The following MCC variants were observed in gnomAD, a reference collection of about 807,000 sequenced individuals.
MCC encodes the protein MCC regulator of Wnt signaling pathway.
A neutral mutation model predicts 116.2 loss-of-function variants in MCC; 90 were observed. That is an observed-to-expected ratio of 0.77 (90% CI 0.65 to 0.92). The LOEUF (loss-of-function observed/expected upper bound fraction) is 0.92, where lower values mean the gene tolerates loss of function less well. Among genes scored for constraint, MCC ranks in the 40% least tolerant of loss-of-function variants. MCC has a pLI of 0.00. For synonymous variants in MCC, 578 were observed against 510.5 expected, an observed-to-expected ratio of 1.13 and a Z score of -1.78; for missense variants, 1,516 against 1,312.2, an observed-to-expected ratio of 1.16 and a Z score of -2.40.
At chr5:113,219,017 T>A (rs959266160) in intron 3 of MCC, among the ~76,000 whole-genome samples, 3 of 152,228 alleles carry the variant, frequency 2.0e-5, no homozygotes, top group African/African-American at 7.2e-5. Context: ...AGAAATTTTT[T>A]AAATTCCTGA....
At chr5:113,355,535 T>C (rs1193123859) in intron 2 of MCC, among the ~76,000 whole-genome samples, 3 of 152,120 alleles carry the variant, frequency 2.0e-5, no homozygotes, top group Non-Finnish European at 4.4e-5. Flanking sequence ...AAAACTTATG[T>C]GGCTGATGCA....
chr5:113,286,575 G>C (rs914674454), intron 3 of MCC, among the ~76,000 whole-genome samples: 2 of 152,170 alleles, frequency 1.3e-5, no homozygotes, highest in South Asian at 2.1e-4. Flanking sequence ...CATGACAAGG[G>C]ATCTGCTCAA....
rs1303600081 is a variant in MCC, at chr5:113,488,317, C to T, written c.98G>A (p.Ser33Asn). The T allele has an allele frequency of 1.3e-6, 2 of 1,572,636 alleles. No homozygotes were observed. The highest frequency in any genetic ancestry group is 1.8e-5 in the Admixed American group (1 of 54,994). Residue 33 changes from serine (S) to asparagine (N), a missense_variant, in exon 1 of 19, where the codon AGC (serine) becomes AAC (asparagine). Coordinates refer to ENST00000408903, the MANE Select transcript of MCC (RefSeq NM_001085377.2). ...CCGCATCCTCTCCTCCTCGCCGGTG[C>T]TGGACGTGTCGCTGCTGCTGCTGCT... ...GSSSSSSDTS[S>N]TGEEERMRRL...
chr5:113,360,684 T>A (rs1407290710), intron 2 of MCC, among the ~76,000 whole-genome samples: 4 of 152,266 alleles, frequency 2.6e-5, no homozygotes, highest in Admixed American at 6.5e-5. Context: ...GAAATTCATC[T>A]ATTTTATCTA....
chr5:113,367,036 C>T (rs1192775138), intron 2 of MCC, among the ~76,000 whole-genome samples: 3 of 152,090 alleles, frequency 2.0e-5, no homozygotes, highest in Non-Finnish European at 4.4e-5. Flanking sequence ...ATCATGGGCT[C>T]AAGATCCTCA....
chr5:113,116,482 A>T (rs906945447), intron 6 of MCC, among the ~76,000 whole-genome samples: 1 of 152,232 alleles, frequency 6.6e-6, no homozygotes, highest in Non-Finnish European at 1.5e-5. Flanking sequence ...ACCTTAAAAG[A>T]CATGGTCTAT....
chr5:113,118,516 T>C (rs934602927), intron 6 of MCC, among the ~76,000 whole-genome samples: 3 of 152,144 alleles, frequency 2.0e-5, no homozygotes, highest in South Asian at 2.1e-4. Context: ...TGGACTCTGA[T>C]GGGTGGTTAT....
rs149123375 is a variant in MCC, at chr5:113,078,409, T to C, written c.1784+4451A>G. 3.3e-3 allele frequency among the ~76,000 whole-genome samples: 500 copies of C among 152,274 alleles called. 5 individuals carry two copies. Among genetic ancestry groups the C allele is most frequent in the Middle Eastern group, 0.02 (6 of 294 alleles). On this transcript the variant is annotated intron_variant, in intron 11 of 18. Transcript: ENST00000408903. ...ATGAACATTGATGCAAAGACCTCAA[T>C]AAAATACTGGCAAACCAAATCCAGC...
chr5:113,078,209 C>T (rs185952877), intron 11 of MCC, among the ~76,000 whole-genome samples: 174 of 152,262 alleles, frequency 1.1e-3, no homozygotes, highest in African/African-American at 4.0e-3. Flanking sequence ...GATTCACAGC[C>T]GAATTCTACC....
intron 1 of MCC, among the ~76,000 whole-genome samples, chr5:113,425,312 G>C (rs992906418): frequency 1.3e-5 from 2 of 152,172 alleles, no homozygotes; most frequent in African/African-American, 4.8e-5. Flanking sequence ...TCAATCAAAT[G>C]AAAGGGCAGA....
chr5:113,134,086 C>T (rs1293608804), intron 5 of MCC, among the ~76,000 whole-genome samples: 1 of 152,122 alleles, frequency 6.6e-6, no homozygotes, highest in African/African-American at 2.4e-5. Flanking sequence ...TTGATGTAAT[C>T]CCATTTGTAT....
At chr5:113,479,883 A>G (rs1772330449) in intron 1 of MCC, among the ~76,000 whole-genome samples, 1 of 152,166 alleles carries the variant, frequency 6.6e-6, no homozygotes, top group South Asian at 2.1e-4. Context: ...TTTCAATCTC[A>G]CAAAGGCTCT....
At chr5:113,308,480 C>A (rs564871658) in intron 3 of MCC, among the ~76,000 whole-genome samples, 2 of 152,306 alleles carry the variant, frequency 1.3e-5, no homozygotes, top group African/African-American at 4.8e-5. Context: ...GTTGCCCCAT[C>A]CCCATCTCTA....
At chr5:113,431,768 G>GC (rs200675085) in intron 1 of MCC, among the ~76,000 whole-genome samples, 2 of 136,850 alleles carry the variant, frequency 1.5e-5, no homozygotes, top group South Asian at 2.6e-4. Flanking sequence ...GGCCAAGGGG[G>GC]GGGGGGGGTG....
intron 3 of MCC, among the ~76,000 whole-genome samples, chr5:113,304,088 T>C (rs1766925159): frequency 6.6e-6 from 1 of 152,144 alleles, no homozygotes; most frequent in Non-Finnish European, 1.5e-5. Context: ...GTCAAGCTAG[T>C]AGAAGCACCT....
chr5:113,138,630 T>A (rs938393677), intron 5 of MCC, among the ~76,000 whole-genome samples: 1 of 152,210 alleles, frequency 6.6e-6, no homozygotes, highest in South Asian at 2.1e-4. Flanking sequence ...AGCCACCTTG[T>A]CTATGATATT....
chr5:113,033,491 TTTCTCC>T (rs567382314), intron 17 of MCC, among the ~76,000 whole-genome samples: 312 of 152,354 alleles, frequency 2.0e-3, no homozygotes, highest in Non-Finnish European at 3.7e-3. Flanking sequence ...TTCTTGTTCC[TTTCTCC>T]TTCTAATTTA....
At chr5:113,079,459 G>C (rs1754691189) in intron 11 of MCC, among the ~76,000 whole-genome samples, 2 of 152,132 alleles carry the variant, frequency 1.3e-5, no homozygotes. Flanking sequence ...CCAGAACAGA[G>C]ATATAGACCA....
At chr5:113,145,793 CACACACACACACAA>C (rs1759480872) in intron 4 of MCC, among the ~76,000 whole-genome samples, 3 of 78,370 alleles carry the variant, frequency 3.8e-5, no homozygotes, top group Admixed American at 1.3e-4. Context: ...CAAACACACA[CACACACACACACAA>C]AAGACCCTGT....
Sources: gnomAD v4.1 joint callset for allele counts (sites outside exome capture counted in the v4.1 genomes callset) on GRCh38, gnomAD v4.1.1 for gene constraint, MANE v1.5 for transcripts, NCBI Gene and HGNC (gene_info 2026-07-23, HGNC 2026-07-21) for gene names.